GDPD5: variants seen among roughly 807,000 people sequenced by gnomAD.
GDPD5 encodes the protein glycerophosphodiester phosphodiesterase 2.
Under a neutral mutation model 75.1 loss-of-function variants are expected in GDPD5, and 48 were observed. The ratio of observed to expected loss-of-function variants is 0.64; its 90% CI spans 0.51 to 0.81. GDPD5 has a LOEUF of 0.81. Among genes scored for constraint, GDPD5 ranks in the 40% least tolerant of loss-of-function variants. The pLI is 0.00. For synonymous variants in GDPD5, 336 were observed against 339.0 expected (o/e 0.99, Z 0.10); for missense variants, 706 against 822.6 (o/e 0.86, Z 1.73).
intron 3 of GDPD5, among the ~76,000 whole-genome samples, chr11:75,472,781 T>C (rs1949697996): frequency 6.6e-6 from 1 of 152,106 alleles, no homozygotes; most frequent in South Asian, 2.1e-4. Flanking sequence ...GTCAGGTCCC[T>C]GGAGTGTGCA....
intron 6 of GDPD5, chr11:75,451,359 G>C (rs1180927308): frequency 6.6e-6 from 1 of 152,296 alleles, no homozygotes; most frequent in Non-Finnish European, 1.5e-5. Context: ...GCTTCGCGTG[G>C]TCCCCAGGTT....
intron 1 of GDPD5, among the ~76,000 whole-genome samples, chr11:75,499,138 T>A (rs879624564): frequency 1.1e-4 from 16 of 152,228 alleles, no homozygotes; most frequent in South Asian, 4.1e-4. Flanking sequence ...GTGGGTGCCA[T>A]CAATGCTTCC....
intron 15 of GDPD5, 51 bp downstream of exon 15, chr11:75,439,828 G>A (rs2135136878): frequency 2.8e-6 from 4 of 1,449,054 alleles, no homozygotes; most frequent in Middle Eastern, 1.7e-4. Context: ...GGTGGGGGCT[G>A]GGCCTGCTGC....
chr11:75,489,569 T>C lies in GDPD5; in HGVS notation c.-61+668A>G, dbSNP rs193149814. 5.1e-4 allele frequency among the ~76,000 whole-genome samples: 78 copies of C among 152,376 alleles called. 1 individual carries two copies. The highest frequency in any genetic ancestry group is 3.4e-3 in the Middle Eastern group (1 of 294). On this transcript the variant is annotated intron_variant, in intron 2 of 16. Transcript: ENST00000336898. ...ATCCACTATTTGTCATTCATTCCTT[T>C]GGAGGAAGCATCACTTTCTCTAGGA...
chr11:75,501,080 C>T (rs533840388), intron 1 of GDPD5, among the ~76,000 whole-genome samples: 22 of 152,340 alleles, frequency 1.4e-4, no homozygotes, highest in African/African-American at 5.1e-4. Context: ...CCTGGGTCCC[C>T]AACACCGAGG....
chr11:75,509,200 C>T (rs1250248898), intron 1 of GDPD5, among the ~76,000 whole-genome samples: 1 of 152,178 alleles, frequency 6.6e-6, no homozygotes, highest in Non-Finnish European at 1.5e-5. Flanking sequence ...GTGTTCTTGA[C>T]ATGTGCTCCC....
chr11:75,515,532 G>A (rs922278747), intron 1 of GDPD5, among the ~76,000 whole-genome samples: 2 of 152,214 alleles, frequency 1.3e-5, no homozygotes, highest in Admixed American at 6.5e-5. Context: ...AGGCTCCTGG[G>A]AGACCCTCTG....
chr11:75,496,588 C>T lies in GDPD5; in HGVS notation c.-144-6268G>A, dbSNP rs571831843. 7.2e-5 allele frequency among the ~76,000 whole-genome samples: 11 copies of T among 152,236 alleles called. No individual in the cohort carries two copies. In the East Asian group the frequency reaches 2.1e-3, roughly 29 times the overall value. On this transcript the variant is annotated intron_variant, in intron 1 of 16. Coordinates refer to ENST00000336898, the MANE Select transcript of GDPD5 (RefSeq NM_030792.8). ...AGTGTGCAGTGGCTGTAACAGGGGC[C>T]AGACCCCATCTCCCTCATGTTTCCT...
chr11:75,445,323 A>G (rs565373038), intron 9 of GDPD5, among the ~76,000 whole-genome samples: 65 of 152,192 alleles, frequency 4.3e-4, no homozygotes, highest in Non-Finnish European at 8.2e-4. Context: ...CTCTGGTTCT[A>G]GCCTTGACTC....
intron 1 of GDPD5, among the ~76,000 whole-genome samples, chr11:75,501,283 G>A (rs754391206): frequency 1.3e-5 from 2 of 152,210 alleles, no homozygotes; most frequent in Non-Finnish European, 2.9e-5. Flanking sequence ...TGCCATTTAT[G>A]ACAAGATAAC....
intron 14 of GDPD5, 59 bp downstream of exon 14, chr11:75,441,104 G>A (rs1948785017): frequency 6.4e-7 from 1 of 1,564,592 alleles, no homozygotes; most frequent in Admixed American, 1.7e-5. Flanking sequence ...CGAGTGGTCA[G>A]GGCAGGCTAT....
At position 75,477,785 on chromosome 11, in the gene GDPD5, C is replaced by A. The variant is rs755920925; in HGVS notation, c.-50G>T. 2.3e-6 allele frequency: 3 copies of A among 1,306,904 alleles called. No homozygotes were observed. The South Asian group carries it at 4.3e-5, about 19-fold the overall frequency. The allele number at this position is 1,306,904 out of a possible 1,614,324, so 81.0% of individuals were successfully genotyped here. A position where few individuals can be genotyped will look rare whatever the true frequency, so the allele number is the denominator to read the frequency against. ...TGGCCCTCAGGCGCCCATGGAGGCC[C>A]CCAGCTTGTCCTGCAGGAGGAAGCA... On this transcript the variant is annotated 5_prime_UTR_variant, in exon 3 of 17. Coordinates refer to ENST00000336898, the MANE Select transcript of GDPD5 (RefSeq NM_030792.8).
intron 1 of GDPD5, among the ~76,000 whole-genome samples, chr11:75,521,844 G>A (rs1224351001): frequency 6.6e-6 from 1 of 152,096 alleles, no homozygotes; most frequent in African/African-American, 2.4e-5. Context: ...GGTGTGTTTA[G>A]GAGACAGTGC....
rs543163179 is a variant in GDPD5, at chr11:75,495,357, C to T, written c.-144-5037G>A. On this transcript the variant is annotated intron_variant, in intron 1 of 16. Transcript: ENST00000336898. ...TATATTCAATATAATCCTAGCTACT[C>T]AGGAGGCTGAGGAAGGAGAATCACT... 7.3e-5 allele frequency among the ~76,000 whole-genome samples: 11 copies of T among 151,430 alleles called. No homozygotes were observed. In the East Asian group the frequency reaches 1.9e-3, roughly 27 times the overall value.
intron 6 of GDPD5, 62 bp downstream of exon 6, chr11:75,456,695 T>TCTG (rs1949292108): frequency 4.6e-6 from 7 of 1,536,442 alleles, no homozygotes; most frequent in African/African-American, 1.4e-5. Flanking sequence ...AGGCCCTTCC[T>TCTG]CTGCTGCTGC....
chr11:75,449,746 G>A, intron 7 of GDPD5, 136 bp from the exon 8 acceptor site: 2 of 1,247,218 alleles, frequency 1.6e-6, no homozygotes, highest in Non-Finnish European at 1.2e-6. Context: ...GGAGCCTCAG[G>A]ACCCTGGTGT....
chr11:75,450,444 T>G (rs1354728237), intron 6 of GDPD5: 1 of 176,368 alleles, frequency 5.7e-6, no homozygotes, highest in Admixed American at 5.7e-5. Context: ...GAACTGGGTC[T>G]GCTGCAGGAG....
At chr11:75,475,492 G>A (rs913806231) in intron 3 of GDPD5, among the ~76,000 whole-genome samples, 24 of 152,120 alleles carry the variant, frequency 1.6e-4, no homozygotes, top group African/African-American at 5.6e-4. Context: ...CTATTCCTTC[G>A]TTGTGAGAGT....
intron 6 of GDPD5, among the ~76,000 whole-genome samples, chr11:75,456,063 A>G (rs1302289301): frequency 6.6e-6 from 1 of 152,176 alleles, no homozygotes; most frequent in East Asian, 1.9e-4. Flanking sequence ...CCGGGAGAGA[A>G]TCCTGTGTAT....
Sources: gnomAD v4.1 joint callset for allele counts (sites outside exome capture counted in the v4.1 genomes callset) on GRCh38, gnomAD v4.1.1 for gene constraint, MANE v1.5 for transcripts, NCBI Gene and HGNC (gene_info 2026-07-23, HGNC 2026-07-21) for gene names.